The following ADCY2 variants were observed in gnomAD, a reference collection of about 807,000 sequenced individuals.
ADCY2 encodes adenylate cyclase 2.
Under a neutral mutation model 125.2 loss-of-function variants are expected in ADCY2, and 31 were observed. That is an observed-to-expected ratio of 0.25 (90% CI 0.19 to 0.33). ADCY2 has a LOEUF of 0.33. Ranked by LOEUF, ADCY2 falls within the 10% of genes least tolerant of loss-of-function variation. The pLI is 1.00. For missense variants in ADCY2, 904 were observed against 1,418.2 expected (o/e 0.64, Z 5.82); for synonymous variants, 512 against 548.4 (o/e 0.93, Z 0.93).
intron 3 of ADCY2, among the ~76,000 whole-genome samples, chr5:7,549,764 T>C (rs1307872674): frequency 1.3e-5 from 2 of 152,182 alleles, no homozygotes; most frequent in African/African-American, 4.8e-5. Context: ...GAACATGAGA[T>C]GCAGTCCCCC....
intron 2 of ADCY2, among the ~76,000 whole-genome samples, chr5:7,506,891 C>T (rs1743841289): frequency 6.8e-6 from 1 of 146,852 alleles, no homozygotes; most frequent in African/African-American, 2.5e-5. Flanking sequence ...GGGTTCACGC[C>T]ATTCTCCTGC....
intron 1 of ADCY2, among the ~76,000 whole-genome samples, chr5:7,409,236 G>T (rs1409174212): frequency 6.6e-6 from 1 of 152,132 alleles, no homozygotes; most frequent in Non-Finnish European, 1.5e-5. Context: ...TCTGAGGAGG[G>T]TGGAGGGTGG....
At chr5:7,742,849 C>A (rs1350349391) in intron 14 of ADCY2, among the ~76,000 whole-genome samples, 1 of 152,138 alleles carries the variant, frequency 6.6e-6, no homozygotes, top group Non-Finnish European at 1.5e-5. Flanking sequence ...CATGAGGTTC[C>A]ATTTTGGTCT....
intron 14 of ADCY2, among the ~76,000 whole-genome samples, chr5:7,733,446 GA>G (rs1313572465): frequency 2.6e-5 from 4 of 152,106 alleles, no homozygotes. Context: ...TGAACAACTG[GA>G]AAAAATGCTG....
At chr5:7,607,064 G>A (rs1292866143) in intron 3 of ADCY2, among the ~76,000 whole-genome samples, 3 of 152,040 alleles carry the variant, frequency 2.0e-5, no homozygotes, top group African/African-American at 4.8e-5. Context: ...TTCTGCCTTC[G>A]CTTCCCTCCC....
At chr5:7,816,241 C>T (rs56774032) in intron 22 of ADCY2, among the ~76,000 whole-genome samples, 47,389 of 152,140 alleles carry the variant, frequency 0.31, 7,633 homozygotes, top group Admixed American at 0.46. Context: ...GGGGGATGTT[C>T]CCAGAACTAG....
chr5:7,759,596 G>A (rs1010074817), intron 16 of ADCY2, among the ~76,000 whole-genome samples: 10 of 152,162 alleles, frequency 6.6e-5, no homozygotes, highest in African/African-American at 2.4e-4. Flanking sequence ...TGCATCACCC[G>A]AGGCTCATTT....
intron 22 of ADCY2, among the ~76,000 whole-genome samples, chr5:7,815,373 C>G (rs187007191): frequency 2.3e-4 from 35 of 152,270 alleles, no homozygotes; most frequent in African/African-American, 7.2e-4. Flanking sequence ...GGCCAAGCAG[C>G]CATGCCCGGC....
chr5:7,428,794 A>G (rs569632575), intron 2 of ADCY2, among the ~76,000 whole-genome samples: 5 of 152,350 alleles, frequency 3.3e-5, no homozygotes, highest in African/African-American at 1.2e-4. Context: ...AAAGGATACT[A>G]TGGGAAATTG....
At position 7,763,051 on chromosome 5, in the gene ADCY2, TTTTGTTTG is replaced by T. The variant is rs200662811; in HGVS notation, c.2095-3612_2095-3605del. Among the ~76,000 whole-genome samples, 985 of 150,630 alleles carry T rather than the reference TTTTGTTTG, an allele frequency of 6.5e-3. 4 individuals carry two copies. Among genetic ancestry groups the T allele is most frequent in the Non-Finnish European group, 0.01 (682 of 67,686 alleles). ...AGAGTGCTTTCATTTTCTTTGTTTTTTTTGTTTGTTTGTTTGTTTGTTTGTTTGTTTTT... is the reference window on the plus strand; with the variant it reads ...AGAGTGCTTTCATTTTCTTTGTTTTTTTTGTTTGTTTGTTTGTTTGTTTTT... On this transcript the variant is annotated intron_variant, in intron 16 of 24. Transcript: ENST00000338316.
At chr5:7,757,691 CA>C in intron 16 of ADCY2, 105 bp downstream of exon 16, 1 of 1,481,990 alleles carries the variant, frequency 6.7e-7, no homozygotes, top group Non-Finnish European at 9.0e-7. Context: ...TGGTAAGCCC[CA>C]CACCATAGCT....
intron 4 of ADCY2, among the ~76,000 whole-genome samples, chr5:7,665,532 G>C (rs1739684668): frequency 6.6e-6 from 1 of 152,128 alleles, no homozygotes; most frequent in Non-Finnish European, 1.5e-5. Flanking sequence ...TCCCCCCTTT[G>C]CAGGTCAGTT....
chr5:7,810,081 C>T (rs1358777970), intron 22 of ADCY2, among the ~76,000 whole-genome samples: 1 of 152,120 alleles, frequency 6.6e-6, no homozygotes, highest in Non-Finnish European at 1.5e-5. Flanking sequence ...TACCTGCAGC[C>T]CCTGCTTGTT....
intron 2 of ADCY2, among the ~76,000 whole-genome samples, chr5:7,509,638 T>G (rs1387858080): frequency 6.6e-6 from 1 of 152,248 alleles, no homozygotes; most frequent in Non-Finnish European, 1.5e-5. Context: ...TGATTCATGA[T>G]TTGATCGTTA....
chr5:7,481,196 T>C (rs1742716430), intron 2 of ADCY2, among the ~76,000 whole-genome samples: 1 of 152,160 alleles, frequency 6.6e-6, no homozygotes, highest in Non-Finnish European at 1.5e-5. Flanking sequence ...TGAGATGATA[T>C]CTCACTGCAG....
intron 4 of ADCY2, among the ~76,000 whole-genome samples, chr5:7,684,233 C>T (rs1740435400): frequency 6.6e-6 from 1 of 152,340 alleles, no homozygotes; most frequent in Non-Finnish European, 1.5e-5. Context: ...CACACTGGTG[C>T]TGATCTATGC....
At chr5:7,425,381 TTGGA>T (rs1276584776) in intron 2 of ADCY2, among the ~76,000 whole-genome samples, 20 of 152,236 alleles carry the variant, frequency 1.3e-4, no homozygotes, top group Non-Finnish European at 7.3e-5. Context: ...GCATTAAGTC[TTGGA>T]TGCTGTTGTT....
At chr5:7,468,252 A>G (rs1050796153) in intron 2 of ADCY2, among the ~76,000 whole-genome samples, 1 of 152,234 alleles carries the variant, frequency 6.6e-6, no homozygotes, top group Non-Finnish European at 1.5e-5. Flanking sequence ...TATTGGAATT[A>G]AAATCGGAGA....
chr5:7,815,011 C>T (rs1346764899), intron 22 of ADCY2, among the ~76,000 whole-genome samples: 9 of 152,164 alleles, frequency 5.9e-5, no homozygotes, highest in African/African-American at 1.9e-4. Context: ...ATCCCACTCT[C>T]CTTTCTTCCC....
Sources: gnomAD v4.1 joint callset for allele counts (sites outside exome capture counted in the v4.1 genomes callset) on GRCh38, gnomAD v4.1.1 for gene constraint, MANE v1.5 for transcripts, NCBI Gene and HGNC (gene_info 2026-07-23, HGNC 2026-07-21) for gene names.